The following CAMKMT variants were observed in gnomAD, a reference collection of about 807,000 sequenced individuals.
CAMKMT encodes CaM KMT.
Under a neutral mutation model 48.0 loss-of-function variants are expected in CAMKMT, and 53 were observed. The ratio of observed to expected loss-of-function variants is 1.10; its 90% CI spans 0.89 to 1.39. The LOEUF (loss-of-function observed/expected upper bound fraction) is 1.39. Ranked by LOEUF, CAMKMT falls within the 40% of genes most tolerant of loss-of-function variation. The pLI, the probability that CAMKMT is intolerant of heterozygous loss-of-function variation, is 0.00. For missense variants in CAMKMT, 428 were observed against 402.7 expected (o/e 1.06, Z -0.54); for synonymous variants, 165 against 152.3 (o/e 1.08, Z -0.61).
In CAMKMT at chr2:44,643,547, C is replaced by A. The variant is rs139096620; in HGVS notation, c.377-60736C>A. Among the ~76,000 whole-genome samples, 655 of 152,232 alleles carry A rather than the reference C, an allele frequency of 4.3e-3. 1 individual carries two copies. The highest frequency in any genetic ancestry group is 7.2e-3 in the Admixed American group (110 of 15,286). On this transcript the variant is annotated intron_variant, in intron 3 of 10. Coordinates refer to ENST00000378494, the MANE Select transcript of CAMKMT (RefSeq NM_024766.5). ...TGAGTTTTCTAGCTAAAGGAAATAA[C>A]TAACCTATAAAATTGTTTTTAAAAT...
At chr2:44,548,161 C>G (rs1174115189) in intron 3 of CAMKMT, among the ~76,000 whole-genome samples, 1 of 152,168 alleles carries the variant, frequency 6.6e-6, no homozygotes, top group East Asian at 1.9e-4. Context: ...ACTTAGCATC[C>G]TACTATGTGC....
chr2:44,671,813 T>C (rs974323887), intron 3 of CAMKMT, among the ~76,000 whole-genome samples: 3 of 152,176 alleles, frequency 2.0e-5, no homozygotes, highest in African/African-American at 7.2e-5. Flanking sequence ...CATTGTATTT[T>C]CATGATTTTT....
intron 9 of CAMKMT, among the ~76,000 whole-genome samples, chr2:44,761,009 A>AG (rs745357008): frequency 2.6e-5 from 4 of 152,158 alleles, no homozygotes; most frequent in Non-Finnish European, 4.4e-5. Context: ...TCTACACTGG[A>AG]GGGGCTTACA....
At chr2:44,692,173 A>C (rs1441484988) in intron 3 of CAMKMT, among the ~76,000 whole-genome samples, 1 of 152,204 alleles carries the variant, frequency 6.6e-6, no homozygotes, top group African/African-American at 2.4e-5. Context: ...AAGTACCATA[A>C]AAATGTAATT....
intron 3 of CAMKMT, among the ~76,000 whole-genome samples, chr2:44,615,156 C>T (rs1341073750): frequency 6.6e-6 from 1 of 151,714 alleles, no homozygotes; most frequent in Non-Finnish European, 1.5e-5. Flanking sequence ...AAACTTCTGG[C>T]CTCAAGTGAT....
intron 2 of CAMKMT, among the ~76,000 whole-genome samples, chr2:44,387,224 C>G (rs148119371): frequency 2.6e-5 from 4 of 152,004 alleles, no homozygotes; most frequent in Non-Finnish European, 4.4e-5. Flanking sequence ...TGTTTAGGAT[C>G]GTGATATTTT....
At chr2:44,365,470 G>A (rs971063099) in intron 1 of CAMKMT, among the ~76,000 whole-genome samples, 1 of 152,178 alleles carries the variant, frequency 6.6e-6, no homozygotes, top group African/African-American at 2.4e-5. Flanking sequence ...AGAGGTTATG[G>A]ATGTTGTTCT....
chr2:44,666,002 A>G (rs1197909258), intron 3 of CAMKMT, among the ~76,000 whole-genome samples: 1 of 152,244 alleles, frequency 6.6e-6, no homozygotes, highest in African/African-American at 2.4e-5. Context: ...ACACGGAGAT[A>G]ATGAAAGAAA....
intron 3 of CAMKMT, among the ~76,000 whole-genome samples, chr2:44,493,250 T>G (rs1241858431): frequency 2.0e-5 from 3 of 152,162 alleles, no homozygotes; most frequent in Non-Finnish European, 4.4e-5. Flanking sequence ...GAATTTACTT[T>G]GAATCCTAAA....
At chr2:44,693,257 C>T (rs1676761103) in intron 3 of CAMKMT, among the ~76,000 whole-genome samples, 2 of 152,134 alleles carry the variant, frequency 1.3e-5, no homozygotes, top group African/African-American at 4.8e-5. Flanking sequence ...CTGGTCATAC[C>T]ACGATGCTGC....
chr2:44,412,017 CAG>C (rs1683237926), intron 3 of CAMKMT, among the ~76,000 whole-genome samples: 1 of 112,260 alleles, frequency 8.9e-6, no homozygotes, highest in Non-Finnish European at 1.7e-5. Flanking sequence ...TTTTAGCAGA[CAG>C]TGTAGATTTG....
chr2:44,598,616 C>T (rs1402694414), intron 3 of CAMKMT, among the ~76,000 whole-genome samples: 1 of 149,912 alleles, frequency 6.7e-6, no homozygotes, highest in Non-Finnish European at 1.5e-5. Flanking sequence ...AGTAGAAATA[C>T]AATGATTAAA....
At chr2:44,507,777 T>C (rs1349816074) in intron 3 of CAMKMT, among the ~76,000 whole-genome samples, 1 of 152,202 alleles carries the variant, frequency 6.6e-6, no homozygotes, top group Non-Finnish European at 1.5e-5. Context: ...TAGCAGCTTG[T>C]ACCAGAATTA....
chr2:44,447,408 T>G (rs1667060691), intron 3 of CAMKMT, among the ~76,000 whole-genome samples: 1 of 152,216 alleles, frequency 6.6e-6, no homozygotes, highest in South Asian at 2.1e-4. Context: ...CCTACCGTAG[T>G]TTTGGATAAA....
chr2:44,498,500 G>C (rs961759725), intron 3 of CAMKMT, among the ~76,000 whole-genome samples: 1 of 152,260 alleles, frequency 6.6e-6, no homozygotes, highest in South Asian at 2.1e-4. Flanking sequence ...ATATTCATTA[G>C]TATTACTTAG....
intron 7 of CAMKMT, among the ~76,000 whole-genome samples, chr2:44,732,052 A>G (rs750895022): frequency 9.2e-5 from 14 of 152,230 alleles, no homozygotes; most frequent in Non-Finnish European, 1.9e-4. Flanking sequence ...CCTGGACTCA[A>G]GTGATCCTCC....
intron 3 of CAMKMT, among the ~76,000 whole-genome samples, chr2:44,418,696 G>GT (rs1290252602): frequency 6.6e-6 from 1 of 152,038 alleles, no homozygotes; most frequent in Non-Finnish European, 1.5e-5. Flanking sequence ...ATTTGTTTTC[G>GT]TTTTTTCAAA....
intron 5 of CAMKMT, 68 bp downstream of exon 5, chr2:44,706,409 C>A: frequency 6.7e-7 from 1 of 1,495,408 alleles, no homozygotes; most frequent in Non-Finnish European, 9.3e-7. Context: ...CCAGGGCCTC[C>A]AACTGCTGGG....
chr2:44,397,973 G>C (rs1241589002), intron 3 of CAMKMT, among the ~76,000 whole-genome samples: 3 of 152,040 alleles, frequency 2.0e-5, no homozygotes, highest in Non-Finnish European at 4.4e-5. Context: ...TTCTAATTTA[G>C]GTACTTCCAA....
Sources: gnomAD v4.1 joint callset for allele counts (sites outside exome capture counted in the v4.1 genomes callset) on GRCh38, gnomAD v4.1.1 for gene constraint, MANE v1.5 for transcripts, NCBI Gene and HGNC (gene_info 2026-07-23, HGNC 2026-07-21) for gene names.